ASIC2: variants seen among roughly 807,000 people sequenced by gnomAD.
ASIC2 encodes the protein acid-sensing ion channel 2.
Under a neutral mutation model 57.3 loss-of-function variants are expected in ASIC2, and 25 were observed. The ratio of observed to expected loss-of-function variants is 0.44; its 90% CI spans 0.32 to 0.61. The LOEUF (loss-of-function observed/expected upper bound fraction) is 0.61, where lower values mean the gene tolerates loss of function less well. Among genes scored for constraint, ASIC2 ranks in the 20% least tolerant of loss-of-function variants. ASIC2 has a pLI of 0.06. For synonymous variants in ASIC2, 319 were observed against 307.5 expected (o/e 1.04, Z -0.39); for missense variants, 641 against 738.1 (o/e 0.87, Z 1.52).
At chr17:33,961,031 T>C (rs2141991845) in intron 1 of ASIC2, among the ~76,000 whole-genome samples, 1 of 152,264 alleles carries the variant, frequency 6.6e-6, no homozygotes, top group East Asian at 1.9e-4. Context: ...AGGGCTGAGA[T>C]CTGTGGGTCA....
chr17:33,405,822 G>A lies in ASIC2; in HGVS notation c.556-293755C>T, dbSNP rs775598996. ...TCATATGTAAACTAACCAGTTCAGA[G>A]CCCATACCCTGAACCATCTTCTGTT... is the stretch of plus-strand genomic sequence containing the variant. On this transcript the variant is annotated intron_variant, in intron 1 of 9. Coordinates refer to the ASIC2 transcript ENST00000359872. Among the ~76,000 whole-genome samples the A allele has an allele frequency of 2.0e-5, 3 of 152,198 alleles. No homozygotes were observed. In the South Asian group the frequency reaches 6.2e-4, roughly 32 times the overall value.
intron 1 of ASIC2, among the ~76,000 whole-genome samples, chr17:34,035,107 C>G (rs968419696): frequency 4.7e-5 from 7 of 150,498 alleles, no homozygotes; most frequent in Non-Finnish European, 7.4e-5. Context: ...TGACTTCAAA[C>G]TATACTACAA....
At chr17:34,028,119 A>G (rs1194008240) in intron 1 of ASIC2, among the ~76,000 whole-genome samples, 1 of 152,174 alleles carries the variant, frequency 6.6e-6, no homozygotes, top group African/African-American at 2.4e-5. Flanking sequence ...AATTTGGTGT[A>G]CCTGTAGATG....
chr17:33,506,345 G>A (rs1297875592), intron 1 of ASIC2, among the ~76,000 whole-genome samples: 10 of 151,662 alleles, frequency 6.6e-5, no homozygotes, highest in African/African-American at 2.4e-4. Flanking sequence ...CCCGGGAGGC[G>A]GAGCTTGCAG....
At chr17:34,096,917 G>A (rs1255911262) in intron 1 of ASIC2, among the ~76,000 whole-genome samples, 1 of 144,456 alleles carries the variant, frequency 6.9e-6, no homozygotes, top group Non-Finnish European at 1.5e-5. Flanking sequence ...GCCCAAGTGA[G>A]AGATCATGGT....
intron 1 of ASIC2, among the ~76,000 whole-genome samples, chr17:33,136,262 C>T (rs2092366789): frequency 6.6e-6 from 1 of 152,248 alleles, no homozygotes; most frequent in Non-Finnish European, 1.5e-5. Context: ...GAGCACCAGA[C>T]ACTGTGCTTG....
intron 1 of ASIC2, among the ~76,000 whole-genome samples, chr17:33,894,817 G>A (rs1915052975): frequency 6.6e-6 from 1 of 152,150 alleles, no homozygotes. Flanking sequence ...GGTCTCCCCA[G>A]CAGTCTACAA....
intron 1 of ASIC2, among the ~76,000 whole-genome samples, chr17:34,099,051 G>C (rs1340129334): frequency 6.6e-6 from 1 of 150,504 alleles, no homozygotes; most frequent in East Asian, 2.0e-4. Flanking sequence ...TAGCCTGCTA[G>C]AGGAAAGAGG....
intron 1 of ASIC2, among the ~76,000 whole-genome samples, chr17:33,765,419 T>G (rs1210833871): frequency 6.6e-6 from 1 of 152,134 alleles, no homozygotes; most frequent in Non-Finnish European, 1.5e-5. Flanking sequence ...TGGAGCATAA[T>G]TGTAAAATAA....
Position 33,843,009 on chromosome 17 carries a change from A to G in ASIC2, c.555+312969T>C, listed in dbSNP as rs189747847. ...CTATGGATTTGGCTGCCTTGAAGGCAGTGCCTCCAAAAAGTATTCAACAGA... is the reference window on the plus strand; with the variant it reads ...CTATGGATTTGGCTGCCTTGAAGGCGGTGCCTCCAAAAAGTATTCAACAGA... On this transcript the variant is annotated intron_variant, in intron 1 of 9. Coordinates refer to the ASIC2 transcript ENST00000359872. Among the ~76,000 whole-genome samples, 8 of 152,372 alleles carry G rather than the reference A, an allele frequency of 5.3e-5. No homozygotes were observed. In the East Asian group the frequency reaches 1.5e-3, roughly 29 times the overall value.
At chr17:33,672,204 A>G (rs79851361) in intron 1 of ASIC2, among the ~76,000 whole-genome samples, 3,280 of 152,254 alleles carry the variant, frequency 0.022, 113 homozygotes, top group African/African-American at 0.073. Flanking sequence ...ACAATTACAG[A>G]CAGACAGCTT....
At chr17:33,100,483 G>A (rs1597577584) in intron 2 of ASIC2, among the ~76,000 whole-genome samples, 2 of 152,106 alleles carry the variant, frequency 1.3e-5, no homozygotes, top group South Asian at 2.1e-4. Flanking sequence ...CTTTAGATAC[G>A]CTTGTCCCCT....
intron 1 of ASIC2, among the ~76,000 whole-genome samples, chr17:33,311,886 G>T (rs1283223133): frequency 6.6e-6 from 1 of 152,046 alleles, no homozygotes; most frequent in Non-Finnish European, 1.5e-5. Flanking sequence ...GAGTTTCTCA[G>T]CAAATGGCTC....
intron 1 of ASIC2, among the ~76,000 whole-genome samples, chr17:34,091,474 G>A (rs1158938255): frequency 6.6e-6 from 1 of 152,224 alleles, no homozygotes; most frequent in African/African-American, 2.4e-5. Flanking sequence ...GTAGTTAGGG[G>A]TTACCCGGCA....
At chr17:33,025,837 C>T in intron 5 of ASIC2, 89 bp downstream of exon 5, 3 of 1,325,264 alleles carry the variant, frequency 2.3e-6, no homozygotes, top group South Asian at 3.0e-5. Context: ...CCTTCTTCCA[C>T]TTGATCTTTC....
intron 1 of ASIC2, among the ~76,000 whole-genome samples, chr17:33,610,219 A>G (rs1905357854): frequency 6.6e-6 from 1 of 152,158 alleles, no homozygotes; most frequent in Non-Finnish European, 1.5e-5. Flanking sequence ...GTGCAGTGGC[A>G]CGATCTCGGC....
Position 33,323,368 on chromosome 17 carries a change from G to A in ASIC2, c.556-211301C>T, listed in dbSNP as rs145604266. Among the ~76,000 whole-genome samples the A allele has an allele frequency of 1.5e-3, 232 of 152,258 alleles. 1 individual carries two copies. The highest frequency in any genetic ancestry group is 2.5e-3 in the Non-Finnish European group (168 of 68,020). ...ACAACAGTGAGAATGAATGATCCAT[G>A]ACTACAGGCAACAATATGGAAGAGT... On this transcript the variant is annotated intron_variant, in intron 1 of 9. Coordinates refer to the ASIC2 transcript ENST00000359872.
intron 1 of ASIC2, among the ~76,000 whole-genome samples, chr17:34,036,469 A>G (rs1907882778): frequency 1.3e-5 from 2 of 151,838 alleles, no homozygotes; most frequent in South Asian, 2.1e-4. Context: ...ACATGTATAC[A>G]TATGTAACAA....
chr17:33,618,819 C>T (rs1025522484), intron 1 of ASIC2, among the ~76,000 whole-genome samples: 3 of 152,244 alleles, frequency 2.0e-5, no homozygotes, highest in African/African-American at 7.2e-5. Flanking sequence ...TAAGCCTCAT[C>T]TGTGCTGAGT....
Sources: gnomAD v4.1 joint callset for allele counts (sites outside exome capture counted in the v4.1 genomes callset) on GRCh38, gnomAD v4.1.1 for gene constraint, MANE v1.5 for transcripts, NCBI Gene and HGNC (gene_info 2026-07-23, HGNC 2026-07-21) for gene names.